PPCDC: variants seen among roughly 807,000 people sequenced by gnomAD.
The protein encoded by PPCDC is phosphopantothenoylcysteine decarboxylase.
PPCDC carries 20 observed loss-of-function variants against 20.7 expected under a neutral mutation model. That is an observed-to-expected ratio of 0.97 (90% confidence interval 0.68 to 1.41). PPCDC has a LOEUF of 1.41. PPCDC is among the 40% of genes most tolerant of loss of function. PPCDC has a pLI of 0.00. For synonymous variants in PPCDC, 88 were observed against 100.3 expected (o/e 0.88, Z 0.73); for missense variants, 246 against 263.8 (o/e 0.93, Z 0.47).
intron 4 of PPCDC, among the ~76,000 whole-genome samples, 183 bp from the exon 5 acceptor site, chr15:75,048,370 G>A (rs1434534785): frequency 6.6e-6 from 1 of 152,226 alleles, no homozygotes; most frequent in African/African-American, 2.4e-5. Flanking sequence ...GAGCCTGTGG[G>A]GAGGTGGAGA....
At chr15:75,029,796 G>A (rs553698465) in intron 2 of PPCDC, among the ~76,000 whole-genome samples, 2 of 152,196 alleles carry the variant, frequency 1.3e-5, no homozygotes, top group Non-Finnish European at 2.9e-5. Context: ...CACCCCCTGG[G>A]GAGGGAGGGA....
chr15:75,046,428 G>A (rs2141502187), intron 4 of PPCDC, among the ~76,000 whole-genome samples: 1 of 152,320 alleles, frequency 6.6e-6, no homozygotes, highest in Non-Finnish European at 1.5e-5. Flanking sequence ...CCCCGGCCTG[G>A]GCCAGCTCTG....
chr15:75,043,942 G>C (rs2066188753), intron 3 of PPCDC, among the ~76,000 whole-genome samples: 1 of 152,308 alleles, frequency 6.6e-6, no homozygotes, highest in African/African-American at 2.4e-5. Flanking sequence ...TGATTCACCA[G>C]ACGCTGAGTG....
intron 1 of PPCDC, among the ~76,000 whole-genome samples, chr15:75,026,350 C>G (rs2065959980): frequency 6.6e-6 from 1 of 152,214 alleles, no homozygotes; most frequent in Non-Finnish European, 1.5e-5. Context: ...TTGTCAGATT[C>G]TAACAGGGCT....
chr15:75,040,449 C>T (rs78824860), intron 2 of PPCDC, among the ~76,000 whole-genome samples: 10,046 of 152,246 alleles, frequency 0.066, 439 homozygotes, highest in Middle Eastern at 0.17. Context: ...CCTTATTTAA[C>T]TAAAAGCTTT....
chr15:75,027,550 A>G (rs978105222), intron 1 of PPCDC, among the ~76,000 whole-genome samples: 4 of 152,062 alleles, frequency 2.6e-5, no homozygotes, highest in Admixed American at 2.6e-4. Context: ...GGAGCACCCA[A>G]ACCTCCCTGT....
At chr15:75,046,388 G>A (rs1330399426) in intron 4 of PPCDC, among the ~76,000 whole-genome samples, 4 of 152,260 alleles carry the variant, frequency 2.6e-5, no homozygotes, top group Admixed American at 2.6e-4. Flanking sequence ...AGCAGCTGGT[G>A]TGACAAAGTA....
intron 2 of PPCDC, among the ~76,000 whole-genome samples, chr15:75,034,414 A>G (rs577521695): frequency 6.6e-6 from 1 of 152,166 alleles, no homozygotes; most frequent in African/African-American, 2.4e-5. Flanking sequence ...CCCTGCCCCC[A>G]CCATATAAGA....
chr15:75,034,929 T>C (rs2066067504), intron 2 of PPCDC, among the ~76,000 whole-genome samples: 1 of 152,190 alleles, frequency 6.6e-6, no homozygotes, highest in African/African-American at 2.4e-5. Context: ...TGCTATCTGA[T>C]ATATTTAAAT....
intron 3 of PPCDC, among the ~76,000 whole-genome samples, chr15:75,043,979 G>T (rs1167226869): frequency 1.3e-5 from 2 of 152,104 alleles, no homozygotes; most frequent in African/African-American, 4.8e-5. Flanking sequence ...TCCCTGCCAG[G>T]CATTTTCAAA....
chr15:75,033,078 C>T (rs2066043096), intron 2 of PPCDC, among the ~76,000 whole-genome samples: 2 of 152,168 alleles, frequency 1.3e-5, no homozygotes, highest in African/African-American at 4.8e-5. Context: ...GCTGGGATTA[C>T]AAGCATGTGC....
chr15:75,024,803 A>G (rs1458132646), intron 1 of PPCDC, among the ~76,000 whole-genome samples: 3 of 151,798 alleles, frequency 2.0e-5, no homozygotes, highest in Non-Finnish European at 4.4e-5. Context: ...CCTCCCAGGT[A>G]GCTGGGACTG....
At chr15:75,036,580 GGT>G (rs1479364380) in intron 2 of PPCDC, among the ~76,000 whole-genome samples, 1 of 152,122 alleles carries the variant, frequency 6.6e-6, no homozygotes, top group Non-Finnish European at 1.5e-5. Context: ...AACCTGGGAG[GGT>G]GGCTAGAGAG....
intron 4 of PPCDC, among the ~76,000 whole-genome samples, chr15:75,047,478 C>G (rs1311534556): frequency 6.6e-6 from 1 of 152,192 alleles, no homozygotes; most frequent in Non-Finnish European, 1.5e-5. Flanking sequence ...GATGAGCTTC[C>G]CTTCAGGGGA....
intron 4 of PPCDC, among the ~76,000 whole-genome samples, chr15:75,046,952 C>G (rs1006489966): frequency 6.6e-6 from 1 of 152,258 alleles, no homozygotes; most frequent in Non-Finnish European, 1.5e-5. Context: ...TGACTGGGAT[C>G]CAGGCCTTCT....
intron 2 of PPCDC, among the ~76,000 whole-genome samples, chr15:75,029,369 C>G (rs1006470249): frequency 6.6e-6 from 1 of 152,156 alleles, no homozygotes; most frequent in Non-Finnish European, 1.5e-5. Context: ...TTGGTGGGGT[C>G]TTGTGAAGTT....
intron 3 of PPCDC, 178 bp downstream of exon 3, chr15:75,043,714 A>AG (rs1311566034): frequency 4.2e-5 from 26 of 613,502 alleles, no homozygotes; most frequent in Non-Finnish European, 7.3e-5. Flanking sequence ...GGCCTGCAGG[A>AG]GGCCCTAGTC....
chr15:75,024,581 C>T (rs774786473), intron 1 of PPCDC, among the ~76,000 whole-genome samples: 2 of 152,054 alleles, frequency 1.3e-5, no homozygotes, highest in African/African-American at 4.8e-5. Flanking sequence ...TCTCAAACTC[C>T]TGGCTCAAGC....
chr15:75,029,900 G>A (rs563688758), intron 2 of PPCDC, among the ~76,000 whole-genome samples: 14 of 152,312 alleles, frequency 9.2e-5, no homozygotes, highest in Non-Finnish European at 7.4e-5. Context: ...GGAAACAGAT[G>A]GGCAGCCTCA....
Sources: gnomAD v4.1 joint callset for allele counts (sites outside exome capture counted in the v4.1 genomes callset) on GRCh38, gnomAD v4.1.1 for gene constraint, MANE v1.5 for transcripts, NCBI Gene and HGNC (gene_info 2026-07-23, HGNC 2026-07-21) for gene names.